The following PPP1R14C variants were observed in gnomAD, a reference collection of about 807,000 sequenced individuals.
PPP1R14C encodes the protein protein phosphatase 1 regulatory inhibitor subunit 14C.
In PPP1R14C, 16 loss-of-function variants were observed where a neutral mutation model predicts 20.4. That is an observed-to-expected ratio of 0.78 (90% CI 0.53 to 1.19). The LOEUF is 1.19. Among genes scored for constraint, PPP1R14C ranks in the 50% most tolerant of loss-of-function variants. PPP1R14C has a pLI of 0.00. For synonymous variants in PPP1R14C, 91 were observed against 91.0 expected, an observed-to-expected ratio of 1.00 and a Z score of 0.00; for missense variants, 211 against 220.1, an observed-to-expected ratio of 0.96 and a Z score of 0.26.
rs145661571 is a variant in PPP1R14C at position 150,235,825 on chromosome 6, C to A, written c.424-12921C>A. On this transcript the variant is annotated intron_variant, in intron 3 of 3. Transcript: ENST00000361131. The stretch of plus-strand genomic sequence containing the variant: ...TTATTGTCCCCTTGGGAAGAGGCTA[C>A]GGGCAGAACTGGAGGAAAAGGTTCG... 1.0e-3 allele frequency among the ~76,000 whole-genome samples: 156 copies of A among 152,224 alleles called. 1 individual carries two copies. The highest frequency in any genetic ancestry group is 3.6e-3 in the African/African-American group (149 of 41,526).
intron 1 of PPP1R14C, among the ~76,000 whole-genome samples, chr6:150,184,877 A>G (rs1393850309): frequency 6.6e-6 from 1 of 152,288 alleles, no homozygotes; most frequent in Non-Finnish European, 1.5e-5. Flanking sequence ...AGCTGGACAC[A>G]CATGGGTAGC....
chr6:150,244,510 T>G (rs1313262798), intron 3 of PPP1R14C, among the ~76,000 whole-genome samples: 1 of 152,198 alleles, frequency 6.6e-6, no homozygotes, highest in Non-Finnish European at 1.5e-5. Context: ...CACCTAGTCC[T>G]GCAATTTAAA....
chr6:150,173,801 A>C (rs1318591205), intron 1 of PPP1R14C, among the ~76,000 whole-genome samples: 1 of 152,108 alleles, frequency 6.6e-6, no homozygotes, highest in Non-Finnish European at 1.5e-5. Context: ...ATGGGAGCCC[A>C]AGACTGCAGA....
intron 3 of PPP1R14C, among the ~76,000 whole-genome samples, chr6:150,218,863 A>G (rs903555101): frequency 3.9e-5 from 6 of 152,010 alleles, no homozygotes; most frequent in African/African-American, 4.8e-5. Flanking sequence ...TGTTGCCCAG[A>G]CTTGTCTTGA....
intron 1 of PPP1R14C, chr6:150,194,983 ATG>A: frequency 1.0e-6 from 1 of 985,078 alleles, no homozygotes; most frequent in Non-Finnish European, 1.2e-6. Flanking sequence ...TAAAAAGAAT[ATG>A]TGTCTGCTTT....
At chr6:150,158,446 G>C (rs940296548) in intron 1 of PPP1R14C, among the ~76,000 whole-genome samples, 3 of 152,032 alleles carry the variant, frequency 2.0e-5, no homozygotes, top group Non-Finnish European at 2.9e-5. Flanking sequence ...AATCTTGTTG[G>C]GTTGCTTCAA....
At chr6:150,222,569 T>TG (rs1381900544) in intron 3 of PPP1R14C, among the ~76,000 whole-genome samples, 1 of 152,124 alleles carries the variant, frequency 6.6e-6, no homozygotes, top group Non-Finnish European at 1.5e-5. Flanking sequence ...TACAGAGTAG[T>TG]GTCACTGCCC....
chr6:150,242,129 A>AAACAAC (rs142243744), intron 3 of PPP1R14C, among the ~76,000 whole-genome samples: 316 of 152,034 alleles, frequency 2.1e-3, no homozygotes, highest in Non-Finnish European at 3.2e-3. Flanking sequence ...AAACAAAACA[A>AAACAAC]AACAACAACA....
intron 1 of PPP1R14C, among the ~76,000 whole-genome samples, chr6:150,173,798 C>T (rs906230075): frequency 6.6e-6 from 1 of 152,032 alleles, no homozygotes; most frequent in African/African-American, 2.4e-5. Flanking sequence ...GACATGGGAG[C>T]CCAAGACTGC....
chr6:150,186,273 C>T (rs1441517977), intron 1 of PPP1R14C, among the ~76,000 whole-genome samples: 1 of 152,138 alleles, frequency 6.6e-6, no homozygotes, highest in African/African-American at 2.4e-5. Context: ...TTCAAAAGCC[C>T]TCAGGAGCAA....
In PPP1R14C at chr6:150,143,395, A is replaced by G. The variant is rs1476375327; in HGVS notation, c.203A>G (p.Gln68Arg). 6.2e-7 allele frequency: 1 copy of G among 1,612,312 alleles called. No homozygotes were observed. Among genetic ancestry groups the G allele is most frequent in the Admixed American group, 1.7e-5 (1 of 59,914 alleles). The change falls in exon 1 of 4, where the codon CAG becomes CGG. Residue 68 changes from glutamine to arginine, a missense_variant. Coordinates refer to ENST00000361131, the MANE Select transcript of PPP1R14C (RefSeq NM_030949.3). This position sits in a 1 kb window ranked among gnomAD's most constrained non-coding sequence, Gnocchi z 5.6. ...QVQQQQQRRH[Q>R]QGKVTVKYDR... The stretch of plus-strand genomic sequence containing the variant: ...CAGCAGCAACAGCAGCGGCGACACC[A>G]GCAGGGAAAAGTGACAGTGAAATAC...
intron 1 of PPP1R14C, among the ~76,000 whole-genome samples, chr6:150,157,896 C>T (rs535911923): frequency 3.5e-4 from 53 of 152,334 alleles, no homozygotes; most frequent in African/African-American, 1.1e-3. Flanking sequence ...CACCTCCCAA[C>T]ATTGCTGCAC....
chr6:150,220,620 C>T (rs1778155408), intron 3 of PPP1R14C, among the ~76,000 whole-genome samples: 1 of 152,172 alleles, frequency 6.6e-6, no homozygotes, highest in Non-Finnish European at 1.5e-5. Flanking sequence ...TTTCATCAAT[C>T]CCTTTTTCTT....
At chr6:150,220,806 C>T (rs1221731189) in intron 3 of PPP1R14C, among the ~76,000 whole-genome samples, 1 of 152,182 alleles carries the variant, frequency 6.6e-6, no homozygotes, top group Non-Finnish European at 1.5e-5. Flanking sequence ...GTCTAGGGAA[C>T]CAATATTTAC....
intron 3 of PPP1R14C, among the ~76,000 whole-genome samples, chr6:150,236,644 T>C (rs929366136): frequency 6.4e-5 from 9 of 140,542 alleles, no homozygotes; most frequent in African/African-American, 2.0e-4. Context: ...TGTGTGCGCG[T>C]GTGTGTGTTT....
At chr6:150,166,255 T>C (rs574128549) in intron 1 of PPP1R14C, among the ~76,000 whole-genome samples, 1 of 152,210 alleles carries the variant, frequency 6.6e-6, no homozygotes, top group African/African-American at 2.4e-5. Context: ...TAATTTTTTG[T>C]ATTTTTAGTA....
At chr6:150,190,653 T>G (rs1777731395) in intron 1 of PPP1R14C, among the ~76,000 whole-genome samples, 1 of 152,094 alleles carries the variant, frequency 6.6e-6, no homozygotes, top group Admixed American at 6.6e-5. Context: ...TCTTGATTTC[T>G]TGAGCTCGTG....
At chr6:150,153,867 TTCAC>T (rs1462877189) in intron 1 of PPP1R14C, among the ~76,000 whole-genome samples, 1 of 152,216 alleles carries the variant, frequency 6.6e-6, no homozygotes, top group East Asian at 1.9e-4. Flanking sequence ...GGAATATTCA[TTCAC>T]TCACTCATTC....
intron 3 of PPP1R14C, among the ~76,000 whole-genome samples, chr6:150,218,474 A>AACCC (rs1778125576): frequency 2.0e-5 from 2 of 98,332 alleles, no homozygotes; most frequent in Admixed American, 1.1e-4. Flanking sequence ...ATACATCTGA[A>AACCC]CCCCCCCCCC....
Sources: gnomAD v4.1 joint callset for allele counts (sites outside exome capture counted in the v4.1 genomes callset) on GRCh38, gnomAD v4.1.1 for gene constraint, Gnocchi (gnomAD v3.1) non-coding constraint, MANE v1.5 for transcripts, NCBI Gene and HGNC (gene_info 2026-07-23, HGNC 2026-07-21) for gene names.